The following DPP6 variants were observed in gnomAD, a reference collection of about 807,000 sequenced individuals.
DPP6 encodes dipeptidyl peptidase like 6.
DPP6 carries 69 observed loss-of-function variants against 122.6 expected under a neutral mutation model. The observed-to-expected ratio is 0.56, with a 90% CI of 0.46 to 0.69. The LOEUF (loss-of-function observed/expected upper bound fraction) is 0.69. DPP6 is among the 30% of genes least tolerant of loss of function. DPP6 has a pLI of 0.00. For synonymous variants in DPP6, 418 were observed against 433.1 expected (o/e 0.97, Z 0.43); for missense variants, 928 against 1,116.9 (o/e 0.83, Z 2.41).
Position 154,241,898 on chromosome 7 carries a change from C to T in DPP6, c.243+188835C>T, listed in dbSNP as rs7802413. ...CCTACCCCAACACTCATCCTACTTA[C>T]CTTCCTCTGGCATTCACAGAGGGCT... On this transcript the variant is annotated intron_variant, in intron 1 of 25. Coordinates refer to ENST00000377770, the MANE Select transcript of DPP6 (RefSeq NM_130797.4). The surrounding 1 kb of genome is among the most constrained non-coding windows in gnomAD (Gnocchi z 9.0). Among the ~76,000 whole-genome samples the T allele has an allele frequency of 0.11, 16,185 of 152,220 alleles. 1,709 individuals are homozygous for T. Among genetic ancestry groups the T allele is most frequent in the African/African-American group, 0.28 (11,440 of 41,502 alleles).
chr7:154,660,578 C>T (rs1341673944), intron 6 of DPP6, among the ~76,000 whole-genome samples: 1 of 129,970 alleles, frequency 7.7e-6, no homozygotes. Context: ...GCGTATCGGC[C>T]GTAGTGTTCA....
intron 16 of DPP6, 100 bp downstream of exon 16, chr7:154,807,212 GAGCAC>G: frequency 6.7e-7 from 1 of 1,490,076 alleles, no homozygotes; most frequent in East Asian, 2.3e-5. Context: ...GCTGTGGTGG[GAGCAC>G]AGCGTATTCC....
rs140830108 is a variant in DPP6 at position 153,891,615 on chromosome 7, A to G, written c.51+3881A>G. On this transcript the variant is annotated intron_variant, in intron 1 of 25. Coordinates refer to the DPP6 transcript ENST00000404039. ...TTTAACAGAGGTATATACTCTTGCA[A>G]TAGGTTCTGAGGTTAATGGGAAATG... Among the ~76,000 whole-genome samples, 76 of 152,206 alleles carry G rather than the reference A, an allele frequency of 5.0e-4. No individual in the cohort carries two copies. In the East Asian group the frequency reaches 8.7e-3, roughly 17 times the overall value.
intron 1 of DPP6, among the ~76,000 whole-genome samples, chr7:154,075,841 A>C (rs1803512136): frequency 6.7e-6 from 1 of 149,404 alleles, no homozygotes; most frequent in Admixed American, 6.8e-5. Flanking sequence ...AAAGAGATAC[A>C]TGTGTTGAAA....
chr7:154,764,327 T>C (rs1214092796), intron 8 of DPP6, among the ~76,000 whole-genome samples: 1 of 152,162 alleles, frequency 6.6e-6, no homozygotes, highest in African/African-American at 2.4e-5. Context: ...TCCATGAAAG[T>C]GTTACTGTAA....
At position 154,142,636 on chromosome 7, in the gene DPP6, T is replaced by G. The variant is rs988093036; in HGVS notation, c.243+89573T>G. Among the ~76,000 whole-genome samples the G allele has an allele frequency of 7.2e-5, 11 of 152,244 alleles. 1 individual carries two copies. Among genetic ancestry groups the G allele is most frequent in the Non-Finnish European group, 1.0e-4 (7 of 68,050 alleles). On this transcript the variant is annotated intron_variant, in intron 1 of 25. Coordinates refer to ENST00000377770, the MANE Select transcript of DPP6 (RefSeq NM_130797.4). ...TCTACTCAAATGATTGTACAGTTGA[T>G]TAATGTCACATGGACTTCCATTGTG...
At chr7:154,535,327 G>A (rs532517802) in intron 3 of DPP6, among the ~76,000 whole-genome samples, 1 of 146,076 alleles carries the variant, frequency 6.8e-6, no homozygotes, top group East Asian at 1.9e-4. Flanking sequence ...AATTTCTCAG[G>A]ACACTAAAAA....
At chr7:154,722,824 TA>T (rs1841886254) in intron 7 of DPP6, among the ~76,000 whole-genome samples, 1 of 152,000 alleles carries the variant, frequency 6.6e-6, no homozygotes, top group African/African-American at 2.4e-5. Flanking sequence ...ACATGGTGGA[TA>T]AAAAGTAAAA....
the DPP6 span, among the ~76,000 whole-genome samples, chr7:153,853,262 A>C: frequency 5.9e-5 from 9 of 152,184 alleles, no homozygotes; most frequent in Non-Finnish European, 1.5e-5. Context: ...TGCACGTTTG[A>C]TATCATTGCA....
chr7:154,837,218 A>G (rs555829617), intron 16 of DPP6, among the ~76,000 whole-genome samples: 12 of 151,674 alleles, frequency 7.9e-5, no homozygotes, highest in Middle Eastern at 6.8e-3. Flanking sequence ...ACATGCACAC[A>G]CATGCACACA....
chr7:154,313,714 T>TATATGCATACACACAC (rs1177234778), intron 1 of DPP6, among the ~76,000 whole-genome samples: 1 of 17,786 alleles, frequency 5.6e-5, no homozygotes, highest in South Asian at 3.0e-3. Context: ...TATATATATA[T>TATATGCATACACACAC]ACACACACAC....
chr7:154,060,610 C>G (rs1232897040), intron 1 of DPP6, among the ~76,000 whole-genome samples: 29 of 117,578 alleles, frequency 2.5e-4, no homozygotes, highest in Admixed American at 5.9e-4. Flanking sequence ...TCTTCCCCCC[C>G]CTGGCTCTGA....
rs569913120 is a variant in DPP6, at chr7:154,658,418, TAG to T, written c.681-10941_681-10940del. 2.1e-3 allele frequency among the ~76,000 whole-genome samples: 319 copies of T among 152,320 alleles called. 2 individuals carry two copies. Among genetic ancestry groups the T allele is most frequent in the African/African-American group, 7.4e-3 (306 of 41,570 alleles). Reference sequence around the variant, plus strand: ...AGGAAGGTAAATGGAAAGTATTTGATAGTTCTAGGATGGAACAAAAAAGGAGG... The same window carrying T: ...AGGAAGGTAAATGGAAAGTATTTGATTTCTAGGATGGAACAAAAAAGGAGG... On this transcript the variant is annotated intron_variant, in intron 6 of 25. Transcript: ENST00000377770.
chr7:154,439,319 A>T (rs61672104), intron 1 of DPP6, among the ~76,000 whole-genome samples: 14,779 of 152,248 alleles, frequency 0.097, 1,052 homozygotes, highest in East Asian at 0.37. Context: ...GGTGAAAGAT[A>T]CAAATGCTCA....
chr7:154,365,629 C>T (rs1408756095), intron 1 of DPP6, among the ~76,000 whole-genome samples: 4 of 152,202 alleles, frequency 2.6e-5, no homozygotes, highest in African/African-American at 9.6e-5. Context: ...CATGCCTGGT[C>T]TTGCGGTTCA....
chr7:153,945,581 CGGT>C (rs1214037532), intron 1 of DPP6, among the ~76,000 whole-genome samples: 2 of 152,078 alleles, frequency 1.3e-5, no homozygotes, highest in Non-Finnish European at 2.9e-5. Flanking sequence ...ACAGGGTTGG[CGGT>C]GGAGGCGCTT....
At chr7:154,122,185 G>A (rs71532678) in intron 1 of DPP6, among the ~76,000 whole-genome samples, 2 of 152,284 alleles carry the variant, frequency 1.3e-5, no homozygotes, top group African/African-American at 2.4e-5. Flanking sequence ...CCAAAGTTAT[G>A]AAATAAGGAT....
intron 13 of DPP6, 107 bp downstream of exon 13, chr7:154,801,569 A>G: frequency 7.0e-7 from 1 of 1,420,486 alleles, no homozygotes. Context: ...GACCCCAAGG[A>G]ATCTGAAGGT....
intron 6 of DPP6, among the ~76,000 whole-genome samples, chr7:154,664,179 A>G (rs897480360): frequency 6.6e-5 from 10 of 151,030 alleles, no homozygotes; most frequent in Non-Finnish European, 1.5e-4. Flanking sequence ...ACTATGGCAT[A>G]TTGGCGCTAG....
Sources: allele counts gnomAD v4.1 joint callset (sites outside exome capture counted in the v4.1 genomes callset), GRCh38; gene constraint gnomAD v4.1.1; non-coding constraint Gnocchi (gnomAD v3.1); transcripts MANE v1.5; gene names NCBI Gene and HGNC (gene_info 2026-07-23, HGNC 2026-07-21).